DCAF8L2: variants seen among roughly 807,000 people sequenced by gnomAD.
DCAF8L2 encodes DDB1- and CUL4-associated factor 8-like protein 2.
For synonymous variants in DCAF8L2, 200 were observed against 190.9 expected, an observed-to-expected ratio of 1.05 and a Z score of -0.39; for missense variants, 430 against 490.7, an observed-to-expected ratio of 0.88 and a Z score of 1.17.
intron 3 of DCAF8L2, among the ~76,000 whole-genome samples, chrX:27,702,268 C>A (rs1931154352): frequency 9.3e-6 from 1 of 107,835 alleles, no homozygotes; most frequent in Non-Finnish European, 1.9e-5. Context: ...GTAAATTCTA[C>A]CAAACAATGA....
chrX:27,530,251 C>CA, the DCAF8L2 span, among the ~76,000 whole-genome samples: 16 of 109,147 alleles, frequency 1.5e-4, no homozygotes, highest in East Asian at 5.8e-4. Context: ...TGGAGTTCAA[C>CA]AAAAAAAACA....
intron 4 of DCAF8L2, among the ~76,000 whole-genome samples, chrX:27,743,501 G>A (rs192177925): frequency 7.3e-5 from 8 of 109,641 alleles, no homozygotes; most frequent in East Asian, 5.8e-4. Context: ...GGGTTCAAGC[G>A]ATTTTTGTGC....
intron 3 of DCAF8L2, among the ~76,000 whole-genome samples, chrX:27,691,828 T>C (rs1930722630): frequency 9.0e-6 from 1 of 111,482 alleles, no homozygotes; most frequent in Non-Finnish European, 1.9e-5. Flanking sequence ...TGAAGGAGGA[T>C]AGGTGGTGCT....
chrX:27,507,164 A>T, the DCAF8L2 span, among the ~76,000 whole-genome samples: 1 of 111,990 alleles, frequency 8.9e-6, no homozygotes, highest in Non-Finnish European at 1.9e-5. Context: ...AGATATTATA[A>T]TCAATGTTGT....
chrX:27,703,829 G>A (rs915072745), intron 3 of DCAF8L2, among the ~76,000 whole-genome samples: 1 of 109,770 alleles, frequency 9.1e-6, no homozygotes, highest in Non-Finnish European at 1.9e-5. Context: ...TAGAAAAATA[G>A]GCAATGTTTT....
the DCAF8L2 span, among the ~76,000 whole-genome samples, chrX:27,574,305 C>A: frequency 8.9e-6 from 1 of 111,800 alleles, no homozygotes; most frequent in African/African-American, 3.3e-5. Context: ...TCTAAAGCTG[C>A]AACTTTAAGG....
At chrX:27,469,689 G>A in the DCAF8L2 span, among the ~76,000 whole-genome samples, 1 of 111,124 alleles carries the variant, frequency 9.0e-6, no homozygotes, top group Admixed American at 9.6e-5. Flanking sequence ...TATTGGACAC[G>A]TTACTACTTG....
At chrX:27,660,276 G>C (rs755008886) in intron 2 of DCAF8L2, among the ~76,000 whole-genome samples, 20 of 111,772 alleles carry the variant, frequency 1.8e-4, no homozygotes, top group Non-Finnish European at 3.0e-4. Flanking sequence ...CACCTGTCTC[G>C]GTCTCCCAAA....
intron 4 of DCAF8L2, among the ~76,000 whole-genome samples, chrX:27,738,567 G>A (rs1243768757): frequency 2.7e-5 from 3 of 111,919 alleles, no homozygotes; most frequent in African/African-American, 9.7e-5. Context: ...TCCTCAACTA[G>A]CAAAAGAATT....
At chrX:27,711,342 T>G (rs6628306) in intron 3 of DCAF8L2, among the ~76,000 whole-genome samples, 10,860 of 109,496 alleles carry the variant, frequency 0.099, 540 homozygotes, top group East Asian at 0.34. Flanking sequence ...AGAATTTTCT[T>G]CTTTTTTATG....
intron 1 of DCAF8L2, among the ~76,000 whole-genome samples, chrX:27,619,806 C>T (rs6630524): frequency 0.16 from 17,647 of 109,764 alleles, 1,143 homozygotes; most frequent in East Asian, 0.4. Flanking sequence ...GAAAGGATAA[C>T]TTCTACTGCT....
intron 4 of DCAF8L2, among the ~76,000 whole-genome samples, chrX:27,738,327 CTAAGCTTCA>C (rs771841240): frequency 5.4e-5 from 6 of 111,729 alleles, no homozygotes; most frequent in Non-Finnish European, 1.1e-4. Flanking sequence ...TCCTATCCTC[CTAAGCTTCA>C]TATGTACTTG....
At chrX:27,524,450 A>G in the DCAF8L2 span, among the ~76,000 whole-genome samples, 7 of 111,052 alleles carry the variant, frequency 6.3e-5, no homozygotes, top group Non-Finnish European at 1.3e-4. Context: ...CTAGTGGTCT[A>G]TCAATTTTGT....
intron 3 of DCAF8L2, among the ~76,000 whole-genome samples, chrX:27,683,749 G>A (rs967812696): frequency 2.7e-5 from 3 of 111,787 alleles, no homozygotes; most frequent in African/African-American, 9.8e-5. Flanking sequence ...CAGTGTAGGA[G>A]TATGAAAGTT....
At chrX:27,623,885 T>C (rs750742385) in intron 1 of DCAF8L2, among the ~76,000 whole-genome samples, 1 of 112,031 alleles carries the variant, frequency 8.9e-6, no homozygotes, top group Non-Finnish European at 1.9e-5. Context: ...TTGAAATTGC[T>C]TCCTAAAATG....
the DCAF8L2 span, among the ~76,000 whole-genome samples, chrX:27,558,322 T>C: frequency 2.7e-5 from 3 of 111,907 alleles, no homozygotes; most frequent in African/African-American, 9.7e-5. Context: ...TCCTTTTGTA[T>C]GCAATTGTAC....
chrX:27,675,541 G>A (rs1034355072), intron 2 of DCAF8L2, among the ~76,000 whole-genome samples: 10 of 111,848 alleles, frequency 8.9e-5, no homozygotes, highest in South Asian at 7.4e-4. Flanking sequence ...TTGGTTAGCC[G>A]GTTGAAATTT....
intron 2 of DCAF8L2, among the ~76,000 whole-genome samples, chrX:27,650,573 G>A (rs1569171901): frequency 9.0e-6 from 1 of 111,632 alleles, no homozygotes; most frequent in African/African-American, 3.3e-5. Flanking sequence ...TCGTAAATTG[G>A]TTGCATTATT....
At chrX:27,532,113 C>T in the DCAF8L2 span, among the ~76,000 whole-genome samples, 1 of 109,877 alleles carries the variant, frequency 9.1e-6, no homozygotes, top group East Asian at 2.8e-4. Context: ...GAGTCTAAAG[C>T]AATGACTGCT....
Sources: allele counts gnomAD v4.1 joint callset (sites outside exome capture counted in the v4.1 genomes callset), GRCh38; gene constraint gnomAD v4.1.1; transcripts MANE v1.5; gene names NCBI Gene and HGNC (gene_info 2026-07-23, HGNC 2026-07-21).